TRAF5: variants seen among roughly 807,000 people sequenced by gnomAD.
TRAF5 encodes TNF receptor associated factor 5.
TRAF5 carries 48 observed loss-of-function variants against 64.5 expected under a neutral mutation model. The observed-to-expected ratio is 0.74, with a 90% CI of 0.59 to 0.95. The LOEUF (loss-of-function observed/expected upper bound fraction) is 0.95, where lower values mean the gene tolerates loss of function less well. TRAF5 is among the 40% of genes least tolerant of loss of function. TRAF5 has a pLI of 0.00. For synonymous variants in TRAF5, 206 were observed against 240.5 expected (o/e 0.86, Z 1.33); for missense variants, 545 against 662.8 (o/e 0.82, Z 1.95).
intron 1 of TRAF5, among the ~76,000 whole-genome samples, chr1:211,333,262 C>T (rs1702203882): frequency 6.6e-6 from 1 of 152,184 alleles, no homozygotes; most frequent in South Asian, 2.1e-4. Flanking sequence ...CAACTCGGCT[C>T]ACTGCAACCT....
chr1:211,339,084 G>A (rs1043676256), intron 1 of TRAF5, among the ~76,000 whole-genome samples: 10 of 152,172 alleles, frequency 6.6e-5, no homozygotes, highest in East Asian at 1.9e-4. Context: ...CACTGGCTTC[G>A]GAGTCAGAAA....
intron 1 of TRAF5, among the ~76,000 whole-genome samples, chr1:211,347,150 GTTA>G (rs1702637000): frequency 1.3e-5 from 2 of 152,068 alleles, no homozygotes; most frequent in African/African-American, 4.8e-5. Flanking sequence ...TACGTAAGCT[GTTA>G]TACACAGAGG....
At chr1:211,326,774 C>T (rs1328802534), upstream of TRAF5, 2 of 984,640 alleles carry the variant, frequency 2.0e-6, no homozygotes, top group Middle Eastern at 5.2e-4. The surrounding 1 kb of genome is among the most constrained non-coding windows in gnomAD (Gnocchi z 5.0). Flanking sequence ...CCCCTCCGCC[C>T]GCGCCCCGGC....
intron 1 of TRAF5, among the ~76,000 whole-genome samples, chr1:211,335,808 C>CA (rs1459401274): frequency 6.6e-6 from 1 of 152,030 alleles, no homozygotes; most frequent in Non-Finnish European, 1.5e-5. Context: ...TGAGGAGTGG[C>CA]AAAAAGACCA....
intron 1 of TRAF5, among the ~76,000 whole-genome samples, chr1:211,348,435 GAC>G (rs1558137376): frequency 6.6e-6 from 1 of 152,092 alleles, no homozygotes; most frequent in African/African-American, 2.4e-5. Context: ...ATTAAAAAAA[GAC>G]AAGATTTTCT....
intron 1 of TRAF5, among the ~76,000 whole-genome samples, chr1:211,329,947 A>G (rs1702113822): frequency 6.6e-6 from 1 of 152,164 alleles, no homozygotes. Context: ...TATTTGAAGG[A>G]TCACTCAGCA....
At position 211,372,413 on chromosome 1, in the gene TRAF5, A is replaced by G. The variant is rs534061481; in HGVS notation, c.1385A>G (p.Tyr462Cys). 6.2e-7 allele frequency: 1 copy of G among 1,614,138 alleles called. No homozygotes were observed. The highest frequency in any genetic ancestry group is 8.5e-7 in the Non-Finnish European group (1 of 1,180,008). ...GSGRGSHLSL[Y>C]FVVMRGEFDS... is the part of the protein sequence containing the mutation. ...GGGAGGGGGTCACACCTGTCCCTAT[A>G]CTTTGTGGTCATGCGAGGAGAGTTT... The change falls in exon 11 of 11, where the codon TAC (tyrosine) becomes TGC (cysteine). Residue 462 changes from tyrosine to cysteine, a missense_variant. Transcript: ENST00000261464.
At chr1:211,336,482 T>C (rs934829137) in intron 1 of TRAF5, among the ~76,000 whole-genome samples, 26 of 152,156 alleles carry the variant, frequency 1.7e-4, no homozygotes, top group African/African-American at 5.8e-4. Flanking sequence ...AGCCTTGCAC[T>C]CTCCAGCTGG....
intron 10 of TRAF5, 43 bp downstream of exon 10, chr1:211,371,513 T>A: frequency 6.3e-7 from 1 of 1,581,516 alleles, no homozygotes; most frequent in East Asian, 2.3e-5. Flanking sequence ...CTCATTTGTC[T>A]GCATGTGTTC....
intron 1 of TRAF5, among the ~76,000 whole-genome samples, chr1:211,340,569 G>A (rs1045908144): frequency 6.6e-6 from 1 of 152,172 alleles, no homozygotes; most frequent in African/African-American, 2.4e-5. Flanking sequence ...GGTGTGAGCT[G>A]TTGGGAAAAA....
intron 1 of TRAF5, among the ~76,000 whole-genome samples, chr1:211,345,851 C>G (rs544088929): frequency 6.6e-6 from 1 of 152,294 alleles, no homozygotes; most frequent in Admixed American, 6.5e-5. Context: ...CCCTGGCTTG[C>G]CCCTCTTCCC....
intron 4 of TRAF5, chr1:211,358,864 A>T (rs1374604191): frequency 6.7e-6 from 1 of 148,454 alleles, no homozygotes; most frequent in East Asian, 1.9e-4. Flanking sequence ...TATAATAAAT[A>T]CATTATTGAC....
intron 8 of TRAF5, among the ~76,000 whole-genome samples, chr1:211,368,272 C>T (rs1703417313): frequency 6.6e-6 from 1 of 152,008 alleles, no homozygotes; most frequent in Non-Finnish European, 1.5e-5. Context: ...AATGTTTATG[C>T]AGGGAAGGCT....
chr1:211,369,987 T>C (rs1703472383), intron 9 of TRAF5, among the ~76,000 whole-genome samples: 1 of 152,182 alleles, frequency 6.6e-6, no homozygotes, highest in Admixed American at 6.5e-5. Flanking sequence ...CGTTTAGCAA[T>C]ATCAGTAACT....
rs1200293114 is a variant in TRAF5 at position 211,373,228 on chromosome 1, A to G, written c.*526A>G. 1 of 152,414 alleles carries G rather than the reference A, an allele frequency of 6.6e-6. No homozygotes were observed. Among genetic ancestry groups the G allele is most frequent in the Admixed American group, 6.5e-5 (1 of 15,294 alleles). The allele number at this position is 152,414 out of a possible 1,614,324, so 9.4% of individuals were successfully genotyped here. On this transcript the variant is annotated 3_prime_UTR_variant, in exon 11 of 11. Transcript: ENST00000261464. ...TTTTTTTCAGTTAAATGCTAAATATATGAAAATTACTATACCTCTAAGTAT... is the reference window on the plus strand; with the variant it reads ...TTTTTTTCAGTTAAATGCTAAATATGTGAAAATTACTATACCTCTAAGTAT...
At chr1:211,327,234 G>A (rs1572044943) in intron 1 of TRAF5, among the ~76,000 whole-genome samples, 1 of 152,302 alleles carries the variant, frequency 6.6e-6, no homozygotes, top group East Asian at 1.9e-4. Flanking sequence ...TGGACCGGAG[G>A]GGCCAGGTTC....
intron 1 of TRAF5, among the ~76,000 whole-genome samples, chr1:211,327,293 C>T (rs1401640365): frequency 1.3e-5 from 2 of 152,164 alleles, no homozygotes; most frequent in Admixed American, 1.3e-4. Flanking sequence ...CCCGCACATC[C>T]GCACTGCAAA....
At chr1:211,352,626 T>C (rs2102741946) in intron 1 of TRAF5, among the ~76,000 whole-genome samples, 1 of 151,480 alleles carries the variant, frequency 6.6e-6, no homozygotes, top group East Asian at 1.9e-4. Flanking sequence ...ACCTTGTCTC[T>C]GAAAAAAAGA....
chr1:211,369,402 C>T, intron 8 of TRAF5, 50 bp from the exon 9 acceptor site: 2 of 1,462,422 alleles, frequency 1.4e-6, no homozygotes, highest in Non-Finnish European at 1.8e-6. Flanking sequence ...TAACTATATG[C>T]ATGCAGTTAT....
Sources: allele counts gnomAD v4.1 joint callset (sites outside exome capture counted in the v4.1 genomes callset), GRCh38; gene constraint gnomAD v4.1.1; non-coding constraint Gnocchi (gnomAD v3.1); transcripts MANE v1.5; gene names NCBI Gene and HGNC (gene_info 2026-07-23, HGNC 2026-07-21).